The following CAMKMT variants were observed in gnomAD, a reference collection of about 807,000 sequenced individuals.
CAMKMT encodes the protein calmodulin-lysine N-methyltransferase, also known as CaM KMT.
A neutral mutation model predicts 48.0 loss-of-function variants in CAMKMT; 53 were observed. That is an observed-to-expected ratio of 1.10 (90% CI 0.89 to 1.39). CAMKMT has a LOEUF of 1.39. Among genes scored for constraint, CAMKMT ranks in the 40% most tolerant of loss-of-function variants. The pLI is 0.00. For synonymous variants in CAMKMT, 165 were observed against 152.3 expected (o/e 1.08, Z -0.61); for missense variants, 428 against 402.7 (o/e 1.06, Z -0.54).
At chr2:44,695,046 C>T (rs1676863370) in intron 3 of CAMKMT, among the ~76,000 whole-genome samples, 1 of 152,136 alleles carries the variant, frequency 6.6e-6, no homozygotes, top group Admixed American at 6.5e-5. Context: ...TTTGGGGATG[C>T]TTTTTTAGAT....
At chr2:44,699,336 C>T (rs1677135811) in intron 3 of CAMKMT, among the ~76,000 whole-genome samples, 1 of 152,172 alleles carries the variant, frequency 6.6e-6, no homozygotes, top group Admixed American at 6.5e-5. Flanking sequence ...CCATGGACTA[C>T]AGAATGGATG....
intron 3 of CAMKMT, among the ~76,000 whole-genome samples, chr2:44,559,792 C>G (rs60743110): frequency 1.7e-3 from 262 of 152,256 alleles, no homozygotes; most frequent in African/African-American, 5.7e-3. Flanking sequence ...TATGACTATT[C>G]AGAATCAAGT....
At chr2:44,743,752 A>G (rs920546991) in intron 8 of CAMKMT, 56 bp downstream of exon 8, 2 of 1,405,676 alleles carry the variant, frequency 1.4e-6, no homozygotes, top group African/African-American at 2.8e-5. Context: ...TTGCTGGAGT[A>G]ATTGGGCTGT....
intron 3 of CAMKMT, among the ~76,000 whole-genome samples, chr2:44,401,401 A>G (rs968169773): frequency 6.6e-6 from 1 of 152,124 alleles, no homozygotes; most frequent in African/African-American, 2.4e-5. Flanking sequence ...TACTAAAAAC[A>G]GAAAAATTAG....
At chr2:44,586,798 T>G (rs1669882014) in intron 3 of CAMKMT, among the ~76,000 whole-genome samples, 1 of 152,198 alleles carries the variant, frequency 6.6e-6, no homozygotes. Flanking sequence ...TTTAGACATA[T>G]GCTCTTATTT....
chr2:44,738,453 C>T (rs972472675), intron 7 of CAMKMT, among the ~76,000 whole-genome samples: 1 of 152,230 alleles, frequency 6.6e-6, no homozygotes, highest in Non-Finnish European at 1.5e-5. Flanking sequence ...GACTTCATAT[C>T]TAGCTAATCC....
rs149873636 is a variant in CAMKMT at position 44,744,108 on chromosome 2, G to A, written c.698+412G>A. ...ACTATTGATATAAGGGAAAATATAT[G>A]TGTGTGTGTACACACACATACTCTC... On this transcript the variant is annotated intron_variant, in intron 8 of 10. Transcript: ENST00000378494. 2.6e-5 allele frequency among the ~76,000 whole-genome samples: 4 copies of A among 152,134 alleles called. No homozygotes were observed. In the East Asian group the frequency reaches 7.7e-4, roughly 29 times the overall value.
At chr2:44,538,627 G>A (rs891524917) in intron 3 of CAMKMT, among the ~76,000 whole-genome samples, 6 of 152,012 alleles carry the variant, frequency 3.9e-5, no homozygotes, top group African/African-American at 1.5e-4. Context: ...AGGAGGAGAG[G>A]TTGGGGTGGG....
Position 44,631,494 on chromosome 2 carries a change from A to G in CAMKMT, c.377-72789A>G, listed in dbSNP as rs1207316842. 5 of 623,336 alleles carry G rather than the reference A, an allele frequency of 8.0e-6. No individual in the cohort carries two copies. In the Admixed American group the frequency reaches 1.2e-4, roughly 15 times the overall value. The allele number at this position is 623,336 out of a possible 1,614,324, so 38.6% of individuals were successfully genotyped here. A position where few individuals can be genotyped will look rare whatever the true frequency, so the allele number is the denominator to read the frequency against. ...ATTTTTTATTTTTTTTGTACAGATG[A>G]TGTCTCACTTTATTGCCCATGTTGG... is the stretch of plus-strand genomic sequence containing the variant. On this transcript the variant is annotated intron_variant, in intron 3 of 10. Transcript: ENST00000378494.
intron 10 of CAMKMT, among the ~76,000 whole-genome samples, chr2:44,770,383 C>CAGA (rs1681052908): frequency 6.6e-6 from 1 of 152,242 alleles, no homozygotes; most frequent in Admixed American, 6.5e-5. Flanking sequence ...CTCCAGAGGT[C>CAGA]AGCATAGAAT....
At chr2:44,646,651 A>G (rs1375786157) in intron 3 of CAMKMT, among the ~76,000 whole-genome samples, 1 of 152,210 alleles carries the variant, frequency 6.6e-6, no homozygotes, top group Non-Finnish European at 1.5e-5. Flanking sequence ...TCCCACAAGA[A>G]ACTTTCTACC....
intron 3 of CAMKMT, among the ~76,000 whole-genome samples, chr2:44,656,862 A>G (rs905850327): frequency 6.6e-5 from 10 of 152,180 alleles, no homozygotes; most frequent in African/African-American, 2.4e-4. Context: ...TTATATTCGA[A>G]CAATGTGATC....
chr2:44,535,212 G>C (rs1401734127), intron 3 of CAMKMT, among the ~76,000 whole-genome samples: 1 of 152,078 alleles, frequency 6.6e-6, no homozygotes, highest in Non-Finnish European at 1.5e-5. Context: ...TAGAAAACCT[G>C]AATAGACCAA....
intron 3 of CAMKMT, among the ~76,000 whole-genome samples, chr2:44,636,125 T>C (rs1482389730): frequency 6.6e-6 from 1 of 152,216 alleles, no homozygotes; most frequent in East Asian, 1.9e-4. Flanking sequence ...CAAATTACTT[T>C]TTGATTCATC....
At chr2:44,479,712 T>C (rs1668870888) in intron 3 of CAMKMT, among the ~76,000 whole-genome samples, 1 of 152,194 alleles carries the variant, frequency 6.6e-6, no homozygotes, top group Non-Finnish European at 1.5e-5. Flanking sequence ...ACTCATGGAA[T>C]CTTTATACTG....
chr2:44,423,076 G>C (rs1255009828), intron 3 of CAMKMT, among the ~76,000 whole-genome samples: 1 of 152,096 alleles, frequency 6.6e-6, no homozygotes, highest in Non-Finnish European at 1.5e-5. Flanking sequence ...TCCTCAAGAG[G>C]AATAATATTT....
intron 7 of CAMKMT, among the ~76,000 whole-genome samples, chr2:44,738,014 C>T (rs1203452547): frequency 6.6e-6 from 1 of 151,982 alleles, no homozygotes; most frequent in Non-Finnish European, 1.5e-5. Context: ...CACCATCGTG[C>T]CCAGCTAATT....
Position 44,750,195 on chromosome 2 carries a change from G to A in CAMKMT, c.699-3860G>A, listed in dbSNP as rs183111197. Among the ~76,000 whole-genome samples the A allele has an allele frequency of 7.3e-5, 11 of 151,568 alleles. No homozygotes were observed. In the East Asian group the frequency reaches 1.9e-3, roughly 27 times the overall value. On this transcript the variant is annotated intron_variant, in intron 8 of 10. Transcript: ENST00000378494. ...AGACAAAGTCTCACTCTGTCACCCAGGCCAGAATGCAATGTCACGATCTCA... is the reference window on the plus strand; with the variant it reads ...AGACAAAGTCTCACTCTGTCACCCAAGCCAGAATGCAATGTCACGATCTCA...
chr2:44,390,407 G>A (rs898160067), intron 3 of CAMKMT, 102 bp downstream of exon 3: 9 of 777,646 alleles, frequency 1.2e-5, no homozygotes, highest in Non-Finnish European at 1.8e-5. Flanking sequence ...CTCACTAAAT[G>A]TATGCATATA....
Sources: gnomAD v4.1 joint callset for allele counts (sites outside exome capture counted in the v4.1 genomes callset) on GRCh38, gnomAD v4.1.1 for gene constraint, MANE v1.5 for transcripts, NCBI Gene and HGNC (gene_info 2026-07-23, HGNC 2026-07-21) for gene names.